NEGR1: variants seen among roughly 807,000 people sequenced by gnomAD.
NEGR1 encodes the protein neuronal growth regulator 1.
Under a neutral mutation model 40.9 loss-of-function variants are expected in NEGR1, and 10 were observed. The ratio of observed to expected loss-of-function variants is 0.24; its 90% confidence interval spans 0.15 to 0.42. The LOEUF (loss-of-function observed/expected upper bound fraction) is 0.42, where lower values mean the gene tolerates loss of function less well. Among genes scored for constraint, NEGR1 ranks in the 10% least tolerant of loss-of-function variants. NEGR1 has a pLI of 1.00. For synonymous variants in NEGR1, 185 were observed against 166.8 expected (o/e 1.11, Z -0.84); for missense variants, 352 against 438.9 (o/e 0.80, Z 1.77).
At chr1:71,543,227 C>T (rs1412889276) in intron 6 of NEGR1, among the ~76,000 whole-genome samples, 1 of 151,528 alleles carries the variant, frequency 6.6e-6, no homozygotes, top group African/African-American at 2.4e-5. Context: ...GACATTTGTA[C>T]ATTCTTACAT....
intron 6 of NEGR1, among the ~76,000 whole-genome samples, chr1:71,534,059 T>G (rs1647438959): frequency 1.3e-5 from 2 of 151,774 alleles, no homozygotes; most frequent in South Asian, 2.1e-4. Flanking sequence ...GCAAAGATTC[T>G]TATGTAAAAT....
At chr1:71,924,888 C>T (rs1054224054) in intron 2 of NEGR1, among the ~76,000 whole-genome samples, 1 of 146,640 alleles carries the variant, frequency 6.8e-6, no homozygotes, top group Non-Finnish European at 1.5e-5. Flanking sequence ...CTAACTAATC[C>T]TTTTTTTTTT....
At chr1:71,704,121 T>C (rs1653803217) in intron 3 of NEGR1, among the ~76,000 whole-genome samples, 1 of 151,394 alleles carries the variant, frequency 6.6e-6, no homozygotes, top group Non-Finnish European at 1.5e-5. Context: ...TTTAAAACTA[T>C]GCAAGCCAAG....
chr1:71,564,320 T>G (rs889689357), intron 6 of NEGR1, among the ~76,000 whole-genome samples: 2 of 152,098 alleles, frequency 1.3e-5, no homozygotes, highest in African/African-American at 2.4e-5. Context: ...AATTTAAGAA[T>G]TAGAGAACTT....
chr1:71,523,367 G>A (rs778040441), intron 6 of NEGR1, among the ~76,000 whole-genome samples: 1 of 151,864 alleles, frequency 6.6e-6, no homozygotes, highest in South Asian at 2.1e-4. Context: ...AAGTTGTTCA[G>A]ACTCTCTGAA....
intron 6 of NEGR1, among the ~76,000 whole-genome samples, chr1:71,448,973 T>C (rs543052085): frequency 3.3e-5 from 5 of 152,264 alleles, no homozygotes; most frequent in Non-Finnish European, 4.4e-5. Flanking sequence ...TTTACTTCGG[T>C]TGTCAAAGAG....
intron 1 of NEGR1, among the ~76,000 whole-genome samples, chr1:72,054,438 C>T (rs1647092540): frequency 2.6e-5 from 4 of 151,236 alleles, no homozygotes; most frequent in South Asian, 4.1e-4. Flanking sequence ...TTCTACTTCC[C>T]TATCTCAAGT....
intron 1 of NEGR1, among the ~76,000 whole-genome samples, chr1:72,186,686 C>T (rs541204876): frequency 2.0e-5 from 3 of 151,720 alleles, no homozygotes; most frequent in Non-Finnish European, 3.0e-5. Context: ...TCTGAGGCTT[C>T]CCAATTCTCA....
At position 71,455,734 on chromosome 1, in the gene NEGR1, CT is replaced by C. The variant is rs200009455; in HGVS notation, c.941-48165del. ...GCAAGACTCTGTCTCAAAAAAAAAT[CT>C]TTTGAGTATCAGGCTGTTACTTTTA... On this transcript the variant is annotated intron_variant, in intron 6 of 6. Transcript: ENST00000357731. Among the ~76,000 whole-genome samples the C allele has an allele frequency of 5.8e-3, 880 of 152,156 alleles. 5 individuals carry two copies. Among genetic ancestry groups the C allele is most frequent in the South Asian group, 0.018 (86 of 4,810 alleles).
Position 71,806,900 on chromosome 1 carries a change from T to G in NEGR1, c.410-30603A>C, listed in dbSNP as rs1391649303. On this transcript the variant is annotated intron_variant, in intron 2 of 6. Coordinates refer to ENST00000357731, the MANE Select transcript of NEGR1 (RefSeq NM_173808.3). ...AACATGTCGATCTGTTTTTTTTTGT[T>G]TTTTTTTTTTGAGATGGAGTCTCAC... Among the ~76,000 whole-genome samples the G allele has an allele frequency of 1.4e-5, 2 of 147,970 alleles. 1 individual carries two copies. The highest frequency in any genetic ancestry group is 3.0e-5 in the Non-Finnish European group (2 of 66,740).
chr1:71,487,980 T>C (rs1646899138), intron 6 of NEGR1: 1 of 151,768 alleles, frequency 6.6e-6, no homozygotes, highest in Non-Finnish European at 1.5e-5. Context: ...ATGTTTTTTC[T>C]TGTGCTGTAG....
Position 72,201,561 on chromosome 1 carries a change from G to A in NEGR1, c.176+80758C>T, listed in dbSNP as rs145041560. Among the ~76,000 whole-genome samples, 598 of 151,912 alleles carry A rather than the reference G, an allele frequency of 3.9e-3. 4 individuals carry two copies. Among genetic ancestry groups the A allele is most frequent in the African/African-American group, 0.014 (567 of 41,518 alleles). On this transcript the variant is annotated intron_variant, in intron 1 of 6. Transcript: ENST00000357731. ...AATATGGACAGCTTGGACGAAGTTT[G>A]TACAGACACATGCAAGGACAACTGT... is the stretch of plus-strand genomic sequence containing the variant.
intron 1 of NEGR1, among the ~76,000 whole-genome samples, chr1:71,950,835 C>T (rs1408791073): frequency 1.3e-5 from 2 of 151,968 alleles, no homozygotes; most frequent in African/African-American, 4.8e-5. Context: ...TCCTGACTCG[C>T]TTCTGATGCA....
chr1:71,697,894 G>A, intron 4 of NEGR1, 114 bp downstream of exon 4: 1 of 988,124 alleles, frequency 1.0e-6, no homozygotes, highest in East Asian at 2.4e-5. Flanking sequence ...GTTAGTAGGT[G>A]ATTTTTACCA....
At chr1:71,634,219 T>C (rs1437315601) in intron 4 of NEGR1, among the ~76,000 whole-genome samples, 1 of 152,000 alleles carries the variant, frequency 6.6e-6, no homozygotes, top group East Asian at 1.9e-4. Context: ...AGCAGATAAA[T>C]AACATAGAAA....
intron 6 of NEGR1, among the ~76,000 whole-genome samples, chr1:71,527,399 A>T (rs1221699055): frequency 3.8e-5 from 5 of 132,926 alleles, no homozygotes; most frequent in Non-Finnish European, 6.4e-5. Flanking sequence ...CATCCATCCA[A>T]CCACCATCCA....
intron 3 of NEGR1, among the ~76,000 whole-genome samples, chr1:71,770,078 T>G (rs1656264364): frequency 1.3e-5 from 2 of 152,276 alleles, no homozygotes; most frequent in Non-Finnish European, 2.9e-5. Context: ...ATAAGTAAAT[T>G]CCTGGTAGAA....
chr1:72,055,264 A>G (rs977309065), intron 1 of NEGR1, among the ~76,000 whole-genome samples: 4 of 151,240 alleles, frequency 2.6e-5, no homozygotes, highest in African/African-American at 9.7e-5. Flanking sequence ...AGTTTACATC[A>G]TCTTTGTCCT....
At chr1:71,994,610 C>T (rs2630417) in intron 1 of NEGR1, among the ~76,000 whole-genome samples, 78,826 of 151,410 alleles carry the variant, frequency 0.52, 21,459 homozygotes, top group East Asian at 0.67. Flanking sequence ...TAAAAACCCA[C>T]CATGAAGTAG....
Sources: gnomAD v4.1 joint callset for allele counts (sites outside exome capture counted in the v4.1 genomes callset) on GRCh38, gnomAD v4.1.1 for gene constraint, MANE v1.5 for transcripts, NCBI Gene and HGNC (gene_info 2026-07-23, HGNC 2026-07-21) for gene names.